Variants in ARL5B observed in about 807,000 individuals in gnomAD.
ARL5B encodes ARF like GTPase 5B, also known as ADP-ribosylation factor-like protein 5B.
In ARL5B, 10 loss-of-function variants were observed where a neutral mutation model predicts 26.9. That is an observed-to-expected ratio of 0.37 (90% CI 0.23 to 0.63). The LOEUF (loss-of-function observed/expected upper bound fraction) is 0.63, where lower values mean the gene tolerates loss of function less well. ARL5B is among the 30% of genes least tolerant of loss of function. The pLI, the probability that ARL5B is intolerant of heterozygous loss-of-function variation, is 0.62. For synonymous variants in ARL5B, 87 were observed against 70.4 expected (o/e 1.24, Z -1.18); for missense variants, 167 against 213.9 (o/e 0.78, Z 1.37).
chr10:18,674,624 C>T lies in ARL5B; in HGVS notation c.491+489C>T, dbSNP rs12268383. Among the ~76,000 whole-genome samples, 1,389 of 152,250 alleles carry T rather than the reference C, an allele frequency of 9.1e-3. 29 individuals are homozygous for T. Among genetic ancestry groups the T allele is most frequent in the African/African-American group, 0.032 (1,312 of 41,532 alleles). On this transcript the variant is annotated intron_variant, in intron 5 of 5. Coordinates refer to ENST00000377275, the MANE Select transcript of ARL5B (RefSeq NM_178815.5). ...ACATGGTCTATTCTTCCATCTCTAA[C>T]AATTTGAATGTGGGTATTAGGCCAA...
chr10:18,666,620 C>G lies in ARL5B; in HGVS notation c.92C>G (p.Thr31Ser). Reference sequence around the variant, plus strand: ...GGACTGGATAATGCAGGGAAAACCACCATTCTTTACCAATTGTAAGTATGG... The same window carrying G: ...GGACTGGATAATGCAGGGAAAACCAGCATTCTTTACCAATTGTAAGTATGG... ...IVGLDNAGKTTILYQFLMNEV... is the reference protein window; with the variant it reads ...IVGLDNAGKTSILYQFLMNEV... Residue 31 changes from threonine to serine, a missense_variant, in exon 2 of 6, where the codon ACC (threonine) becomes AGC (serine). Physicochemically the swap from Thr to Ser is moderately conservative, Grantham distance 58. Coordinates refer to ENST00000377275, the MANE Select transcript of ARL5B (RefSeq NM_178815.5). 1.9e-6 allele frequency: 3 copies of G among 1,607,938 alleles called. No homozygotes were observed. The highest frequency in any genetic ancestry group is 2.5e-6 in the Non-Finnish European group (3 of 1,176,966).
In ARL5B at chr10:18,677,354, T is replaced by C. The variant is rs901442924; in HGVS notation, c.*2138T>C. The C allele has an allele frequency of 2.0e-5, 3 of 152,346 alleles. No homozygotes were observed. The highest frequency in any genetic ancestry group is 7.2e-5 in the African/African-American group (3 of 41,444). The allele number at this position is 152,346 out of a possible 1,614,324, so 9.4% of individuals were successfully genotyped here. ...ACTACTAGTATAGACTCAAATTTGC[T>C]ATTTAATTTTTAAAATACAATTTAT... On this transcript the variant is annotated 3_prime_UTR_variant, in exon 6 of 6. Coordinates refer to ENST00000377275, the MANE Select transcript of ARL5B (RefSeq NM_178815.5).
intron 1 of ARL5B, among the ~76,000 whole-genome samples, chr10:18,660,681 A>G (rs911511629): frequency 1.3e-5 from 2 of 152,162 alleles, no homozygotes; most frequent in Non-Finnish European, 2.9e-5. Context: ...TAAGAACACT[A>G]AAGCAGTCTT....
chr10:18,667,607 C>G (rs1033167174), intron 2 of ARL5B, among the ~76,000 whole-genome samples: 1 of 152,062 alleles, frequency 6.6e-6, no homozygotes, highest in Non-Finnish European at 1.5e-5. Flanking sequence ...TGACATGTTA[C>G]TGGCAAGGGC....
intron 1 of ARL5B, among the ~76,000 whole-genome samples, chr10:18,661,126 G>A (rs1005182740): frequency 6.6e-6 from 1 of 152,206 alleles, no homozygotes; most frequent in African/African-American, 2.4e-5. Context: ...TGGAATTACA[G>A]GTGTGAGCCA....
chr10:18,681,214 C>T lies in ARL5B; in HGVS notation c.*5998C>T, dbSNP rs139894908. 1 of 152,112 alleles carries T rather than the reference C, an allele frequency of 6.6e-6. No homozygotes were observed. Among genetic ancestry groups the T allele is most frequent in the East Asian group, 1.9e-4 (1 of 5,164 alleles). The allele number at this position is 152,112 out of a possible 1,614,324, so 9.4% of individuals were successfully genotyped here. On this transcript the variant is annotated 3_prime_UTR_variant, in exon 6 of 6. Transcript: ENST00000377275. ...CACAAACTGTGTGTCTGAACCCCAG[C>T]CAAACAAATGTGTTCCATTGGTCCA...
chr10:18,674,255 T>A, intron 5 of ARL5B, 120 bp downstream of exon 5: 1 of 942,948 alleles, frequency 1.1e-6, no homozygotes, highest in Non-Finnish European at 1.5e-6. Flanking sequence ...TAATTAAAGG[T>A]GACTTTTATA....
intron 3 of ARL5B, among the ~76,000 whole-genome samples, chr10:18,672,061 A>T (rs1224025190): frequency 3.3e-5 from 5 of 152,118 alleles, no homozygotes; most frequent in Non-Finnish European, 1.5e-5. Flanking sequence ...TTTCACCTGA[A>T]TCTCCAGTAT....
At chr10:18,659,806 G>C in intron 1 of ARL5B, 123 bp downstream of exon 1, 1 of 1,515,336 alleles carries the variant, frequency 6.6e-7, no homozygotes, top group Non-Finnish European at 8.8e-7. Context: ...CTTAGGCCAG[G>C]GGGCGGGCAG....
At chr10:18,669,402 A>T (rs1251215057) in intron 3 of ARL5B, among the ~76,000 whole-genome samples, 1 of 152,138 alleles carries the variant, frequency 6.6e-6, no homozygotes, top group Non-Finnish European at 1.5e-5. Context: ...TTATACCATG[A>T]ACATTCAAAA....
chr10:18,675,086 GT>G (rs2059904498), intron 5 of ARL5B, 81 bp from the exon 6 acceptor site: 2 of 1,302,948 alleles, frequency 1.5e-6, no homozygotes, highest in African/African-American at 1.5e-5. Context: ...CCAGCCTTTG[GT>G]TAAGACCTAA....
chr10:18,668,212 A>G (rs1344899662), intron 2 of ARL5B, among the ~76,000 whole-genome samples: 3 of 152,126 alleles, frequency 2.0e-5, no homozygotes, highest in African/African-American at 7.2e-5. Context: ...ATTGGGTCTT[A>G]TCTAACTGAT....
Position 18,666,338 on chromosome 10 carries a change from C to G in ARL5B, c.47-237C>G, listed in dbSNP as rs573724549. On this transcript the variant is annotated intron_variant, in intron 1 of 5. Transcript: ENST00000377275. The stretch of plus-strand genomic sequence containing the variant: ...GACCAACTTTGCTGGTGTTTCCTGC[C>G]TACCCATCTCCCACATTCTTTTACA... 3.3e-5 allele frequency among the ~76,000 whole-genome samples: 5 copies of G among 152,322 alleles called. No individual in the cohort carries two copies. The South Asian group carries it at 1.0e-3, about 32-fold the overall frequency.
chr10:18,679,191 C>G lies in ARL5B; in HGVS notation c.*3975C>G, dbSNP rs202205232. 1 of 151,552 alleles carries G rather than the reference C, an allele frequency of 6.6e-6. No individual in the cohort carries two copies. Among genetic ancestry groups the G allele is most frequent in the Non-Finnish European group, 1.5e-5 (1 of 67,608 alleles). 9.4% of individuals were successfully genotyped at this position (151,552 alleles called of 1,614,324 possible). A position where few individuals can be genotyped will look rare whatever the true frequency, so the allele number is the denominator to read the frequency against. ...GCTAATGACAATGCAAAAGAGAAAA[C>G]AAGCCATATTGCTAAGAAAAGGATA... On this transcript the variant is annotated 3_prime_UTR_variant, in exon 6 of 6. Coordinates refer to ENST00000377275, the MANE Select transcript of ARL5B (RefSeq NM_178815.5).
At chr10:18,663,641 C>T (rs901501977) in intron 1 of ARL5B, among the ~76,000 whole-genome samples, 19 of 150,572 alleles carry the variant, frequency 1.3e-4, no homozygotes, top group Non-Finnish European at 7.4e-5. Context: ...CTCTGCCTCC[C>T]GGGTTCATGC....
chr10:18,662,959 T>C (rs1388462052), intron 1 of ARL5B, among the ~76,000 whole-genome samples: 2 of 151,936 alleles, frequency 1.3e-5, no homozygotes, highest in Non-Finnish European at 2.9e-5. Flanking sequence ...CGCCTTGGCC[T>C]CCCAAAGTGC....
rs576732431 is a variant in ARL5B at position 18,662,351 on chromosome 10, C to T, written c.46+2668C>T. 1.3e-4 allele frequency among the ~76,000 whole-genome samples: 20 copies of T among 152,188 alleles called. No individual in the cohort carries two copies. The South Asian group carries it at 4.1e-3, about 32-fold the overall frequency. On this transcript the variant is annotated intron_variant, in intron 1 of 5. Transcript: ENST00000377275. Reference sequence around the variant, plus strand: ...TCCTGTAGCATTTTAGAGTCTCATGCGTCTTATAAATTAGATACCTTTCTG... The same window carrying T: ...TCCTGTAGCATTTTAGAGTCTCATGTGTCTTATAAATTAGATACCTTTCTG...
At chr10:18,667,676 G>T (rs912524455) in intron 2 of ARL5B, among the ~76,000 whole-genome samples, 4 of 151,722 alleles carry the variant, frequency 2.6e-5, no homozygotes, top group African/African-American at 9.7e-5. Context: ...AATACGAGGG[G>T]TATGAGCATC....
chr10:18,676,463 G>T lies in ARL5B; in HGVS notation c.*1247G>T, dbSNP rs2131649754. The stretch of plus-strand genomic sequence containing the variant: ...CTATCAAAAGTTTATTTATTGGATG[G>T]CATTAAAACATTTTTGAGGCAGTTG... On this transcript the variant is annotated 3_prime_UTR_variant, in exon 6 of 6. Coordinates refer to ENST00000377275, the MANE Select transcript of ARL5B (RefSeq NM_178815.5). 1 of 151,960 alleles carries T rather than the reference G, an allele frequency of 6.6e-6. No homozygotes were observed. The highest frequency in any genetic ancestry group is 2.1e-4 in the South Asian group (1 of 4,832). The allele number at this position is 151,960 out of a possible 1,614,324, so 9.4% of individuals were successfully genotyped here. A position where few individuals can be genotyped will look rare whatever the true frequency, so the allele number is the denominator to read the frequency against.
Sources: allele counts gnomAD v4.1 joint callset (sites outside exome capture counted in the v4.1 genomes callset), GRCh38; gene constraint gnomAD v4.1.1; transcripts MANE v1.5; gene names NCBI Gene and HGNC (gene_info 2026-07-23, HGNC 2026-07-21).